Variants in ROBO1 observed in about 807,000 individuals in gnomAD.
ROBO1 encodes the protein roundabout guidance receptor 1, also known as roundabout homolog 1.
Under a neutral mutation model 195.9 loss-of-function variants are expected in ROBO1, and 149 were observed. The observed-to-expected ratio is 0.76, with a 90% confidence interval of 0.67 to 0.87. The LOEUF is 0.87. Among genes scored for constraint, ROBO1 ranks in the 40% least tolerant of loss-of-function variants. ROBO1 has a pLI of 0.00. For synonymous variants in ROBO1, 816 were observed against 733.2 expected, an observed-to-expected ratio of 1.11 and a Z score of -1.82; for missense variants, 1,933 against 2,068.3, an observed-to-expected ratio of 0.93 and a Z score of 1.27.
At chr3:79,250,541 G>A (rs1033280865) in intron 2 of ROBO1, among the ~76,000 whole-genome samples, 5 of 151,756 alleles carry the variant, frequency 3.3e-5, no homozygotes, top group South Asian at 2.1e-4. Context: ...CTGGCTGTAC[G>A]TTTGAAAATT....
intron 3 of ROBO1, among the ~76,000 whole-genome samples, chr3:78,947,381 G>A (rs188099603): frequency 2.0e-5 from 3 of 152,186 alleles, no homozygotes; most frequent in East Asian, 1.9e-4. Context: ...ACTCAAAACC[G>A]CTCAACTACA....
chr3:78,823,838 C>T (rs1015323235), intron 4 of ROBO1, among the ~76,000 whole-genome samples: 2 of 152,082 alleles, frequency 1.3e-5, no homozygotes, highest in Admixed American at 6.6e-5. Flanking sequence ...CACCCTTTAT[C>T]AGAGTATGAA....
intron 2 of ROBO1, among the ~76,000 whole-genome samples, chr3:79,320,930 A>G (rs953840385): frequency 1.3e-5 from 2 of 152,216 alleles, no homozygotes; most frequent in Admixed American, 1.3e-4. Context: ...GGAATTTTGA[A>G]GCTGAGAATT....
At chr3:79,548,837 A>G (rs1044538351) in intron 2 of ROBO1, among the ~76,000 whole-genome samples, 1 of 152,156 alleles carries the variant, frequency 6.6e-6, no homozygotes, top group African/African-American at 2.4e-5. Context: ...AGGGTTTTTG[A>G]ATCATTGCTT....
chr3:79,428,741 T>C (rs1170674964), intron 2 of ROBO1, among the ~76,000 whole-genome samples: 1 of 151,822 alleles, frequency 6.6e-6, no homozygotes, highest in Non-Finnish European at 1.5e-5. Context: ...GAATGGTGAG[T>C]AGATGAGAAA....
chr3:79,459,557 C>T (rs57989987), intron 2 of ROBO1, among the ~76,000 whole-genome samples: 2,126 of 151,782 alleles, frequency 0.014, 40 homozygotes, highest in African/African-American at 0.047. Context: ...ATTAATTCTC[C>T]GCATGCATTT....
chr3:79,531,184 A>G (rs943812103), intron 2 of ROBO1, among the ~76,000 whole-genome samples: 1 of 152,100 alleles, frequency 6.6e-6, no homozygotes, highest in East Asian at 1.9e-4. Context: ...TGATTTGTTG[A>G]TTAATTACTA....
At chr3:79,566,778 A>T (rs541466380) in intron 2 of ROBO1, among the ~76,000 whole-genome samples, 19 of 152,300 alleles carry the variant, frequency 1.2e-4, no homozygotes, top group African/African-American at 4.3e-4. Context: ...AGTCAAAAAA[A>T]TAACAGATGC....
intron 4 of ROBO1, among the ~76,000 whole-genome samples, chr3:78,751,162 C>A (rs1239206579): frequency 6.6e-6 from 1 of 152,240 alleles, no homozygotes; most frequent in African/African-American, 2.4e-5. Flanking sequence ...GAACTACATA[C>A]AATGCCTTTA....
chr3:79,363,070 TA>T (rs2109309546), intron 2 of ROBO1, among the ~76,000 whole-genome samples: 1 of 152,318 alleles, frequency 6.6e-6, no homozygotes, highest in African/African-American at 2.4e-5. Flanking sequence ...TCATATGTTC[TA>T]AATGAGCTAT....
At chr3:79,369,747 T>C (rs929965622) in intron 2 of ROBO1, among the ~76,000 whole-genome samples, 5 of 152,114 alleles carry the variant, frequency 3.3e-5, no homozygotes, top group African/African-American at 1.2e-4. Flanking sequence ...TCTAACATTA[T>C]GCCATTGCAG....
At chr3:78,968,344 G>T (rs1308792425) in intron 3 of ROBO1, among the ~76,000 whole-genome samples, 1 of 148,022 alleles carries the variant, frequency 6.8e-6, no homozygotes, top group East Asian at 2.0e-4. Flanking sequence ...GTGCGATCTT[G>T]GCTCACTGCA....
At chr3:79,194,742 G>T (rs1414362321) in intron 2 of ROBO1, among the ~76,000 whole-genome samples, 2 of 151,574 alleles carry the variant, frequency 1.3e-5, no homozygotes, top group South Asian at 2.1e-4. Context: ...TGAAAACAAA[G>T]ATCATCTTAT....
chr3:79,673,347 T>C (rs1237070437), intron 1 of ROBO1, among the ~76,000 whole-genome samples: 2 of 151,894 alleles, frequency 1.3e-5, no homozygotes, highest in East Asian at 1.9e-4. Context: ...TGAGGGTGTG[T>C]ATAATTTTTA....
intron 3 of ROBO1, among the ~76,000 whole-genome samples, chr3:79,075,858 T>A (rs2079164285): frequency 6.6e-6 from 1 of 151,838 alleles, no homozygotes; most frequent in African/African-American, 2.4e-5. Flanking sequence ...TTGTCTAGTA[T>A]AACAACATAA....
At chr3:79,150,139 C>T (rs1166680807) in intron 2 of ROBO1, among the ~76,000 whole-genome samples, 1 of 151,666 alleles carries the variant, frequency 6.6e-6, no homozygotes, top group Non-Finnish European at 1.5e-5. Flanking sequence ...GTTTTTGCTC[C>T]AATTAGTTGT....
At chr3:79,343,567 T>C (rs1444053009) in intron 2 of ROBO1, among the ~76,000 whole-genome samples, 1 of 152,164 alleles carries the variant, frequency 6.6e-6, no homozygotes, top group African/African-American at 2.4e-5. Flanking sequence ...GAAATGCACC[T>C]GAGACATTGA....
chr3:78,654,919 T>A (rs1424115506), intron 18 of ROBO1, among the ~76,000 whole-genome samples: 1 of 152,200 alleles, frequency 6.6e-6, no homozygotes, highest in African/African-American at 2.4e-5. Context: ...TGTTCATAAA[T>A]TAATATTGAA....
chr3:79,574,777 T>C (rs184859515), intron 2 of ROBO1, among the ~76,000 whole-genome samples: 1 of 151,950 alleles, frequency 6.6e-6, no homozygotes, highest in East Asian at 1.9e-4. Context: ...TAATAAACTA[T>C]AGTTTTATGT....
Sources: gnomAD v4.1 joint callset for allele counts (sites outside exome capture counted in the v4.1 genomes callset) on GRCh38, gnomAD v4.1.1 for gene constraint, MANE v1.5 for transcripts, NCBI Gene and HGNC (gene_info 2026-07-23, HGNC 2026-07-21) for gene names.